Variants in EMSY observed in about 807,000 individuals in gnomAD.
EMSY encodes the protein EMSY transcriptional repressor, BRCA2 interacting.
EMSY carries 26 observed loss-of-function variants against 134.6 expected under a neutral mutation model. The observed-to-expected ratio is 0.19, with a 90% confidence interval of 0.14 to 0.27. The LOEUF (loss-of-function observed/expected upper bound fraction) is 0.27, where lower values mean the gene tolerates loss of function less well. Ranked by LOEUF, EMSY falls within the 10% of genes least tolerant of loss-of-function variation. The pLI, the probability that EMSY is intolerant of heterozygous loss-of-function variation, is 1.00. For synonymous variants in EMSY, 579 were observed against 577.8 expected, an observed-to-expected ratio of 1.00 and a Z score of -0.03; for missense variants, 1,305 against 1,611.4, an observed-to-expected ratio of 0.81 and a Z score of 3.26.
chr11:76,496,325 T>C lies in EMSY; in HGVS notation c.1219T>C (p.Ser407Pro), dbSNP rs367574485. 111 of 1,614,042 alleles carry C rather than the reference T, an allele frequency of 6.9e-5. No homozygotes were observed. In the Admixed American group the frequency reaches 7.0e-4, roughly 10 times the overall value. Residue 407 changes from serine (S) to proline (P), a missense_variant, in exon 9 of 21, where the codon TCT (serine) becomes CCT (proline). Ser to Pro is a moderately conservative substitution (Grantham distance 74). Coordinates refer to ENST00000334736, the Ensembl canonical transcript of EMSY. The stretch of plus-strand genomic sequence containing the variant: ...ACAGTTCCCTAAACAACATCAACAG[T>C]CTCCTAAGCAGCAGTTATATCAAGT...
chr11:76,526,538 T>C (rs763879226), exon 13 of EMSY: 1 of 1,613,836 alleles, frequency 6.2e-7, no homozygotes. Flanking sequence ...ATCACCAAAA[T>C]GATTGTAACG....
chr11:76,447,434 C>T (rs1028139942), intron 2 of EMSY, among the ~76,000 whole-genome samples: 16 of 152,208 alleles, frequency 1.1e-4, no homozygotes, highest in African/African-American at 3.9e-4. Flanking sequence ...AGTATGCTTT[C>T]AGTCTCACTT....
intron 18 of EMSY, among the ~76,000 whole-genome samples, chr11:76,542,832 T>G (rs781084133): frequency 1.3e-5 from 2 of 152,016 alleles, no homozygotes; most frequent in Admixed American, 6.5e-5. Context: ...TTTGATTTTT[T>G]TAACTATACA....
chr11:76,471,672 T>C (rs1948573732), intron 7 of EMSY, among the ~76,000 whole-genome samples: 1 of 152,142 alleles, frequency 6.6e-6, no homozygotes, highest in Non-Finnish European at 1.5e-5. Context: ...TAGACTATGA[T>C]TATGGGTTTT....
chr11:76,472,801 T>C, exon 8 of EMSY: 1 of 1,614,156 alleles, frequency 6.2e-7, no homozygotes, highest in Non-Finnish European at 8.5e-7. Flanking sequence ...AGCTGTGGTG[T>C]CCTCTACACC....
intron 14 of EMSY, among the ~76,000 whole-genome samples, chr11:76,533,678 A>G (rs2092422707): frequency 6.6e-6 from 1 of 152,186 alleles, no homozygotes; most frequent in African/African-American, 2.4e-5. Context: ...GCCTTTGAGT[A>G]TACTGTTAAA....
chr11:76,496,057 G>A (rs962323266), intron 8 of EMSY, among the ~76,000 whole-genome samples, 158 bp from the exon 10 acceptor site: 1 of 152,120 alleles, frequency 6.6e-6, no homozygotes, highest in African/African-American at 2.4e-5. Flanking sequence ...AGATATGTAA[G>A]GTGCCACACA....
rs193241757 is a variant in EMSY at position 76,506,175 on chromosome 11, C to G, written c.1364-7211C>G. ...AATATTCCAGGGCATTAAAAAAAAACTTTCAAAATTCTTTCTTGGAAATAC... is the reference window on the plus strand; with the variant it reads ...AATATTCCAGGGCATTAAAAAAAAAGTTTCAAAATTCTTTCTTGGAAATAC... On this transcript the variant is annotated intron_variant, in intron 9 of 20. Transcript: ENST00000334736. 3.4e-3 allele frequency among the ~76,000 whole-genome samples: 518 copies of G among 151,898 alleles called. 3 individuals carry two copies. Among genetic ancestry groups the G allele is most frequent in the Admixed American group, 0.012 (179 of 15,246 alleles).
chr11:76,544,140 T>C, intron 18 of EMSY, 119 bp from the exon 20 acceptor site: 1 of 1,069,108 alleles, frequency 9.4e-7, no homozygotes, highest in Non-Finnish European at 1.3e-6. Context: ...TTCTTGGCCT[T>C]TCTAGGTTCT....
At chr11:76,526,091 C>G (rs972254718) in intron 12 of EMSY, among the ~76,000 whole-genome samples, 1 of 152,054 alleles carries the variant, frequency 6.6e-6, no homozygotes, top group African/African-American at 2.4e-5. Context: ...GGGGTTAAGA[C>G]TTATAATCCC....
At chr11:76,526,753 G>T in intron 13 of EMSY, 118 bp downstream of exon 14, 1 of 1,043,968 alleles carries the variant, frequency 9.6e-7, no homozygotes, top group African/African-American at 1.6e-5. Flanking sequence ...ATTGTTAAAA[G>T]TTATGTTTGA....
chr11:76,550,746 A>T (rs1450136242), exon 21 of EMSY: 1 of 152,334 alleles, frequency 6.6e-6, no homozygotes, highest in African/African-American at 2.4e-5. Context: ...GTGCATTCTT[A>T]TCAGTTGTGT....
intron 7 of EMSY, among the ~76,000 whole-genome samples, chr11:76,465,381 G>A (rs7939908): frequency 0.98 from 149,084 of 152,298 alleles, 72,977 homozygotes; most frequent in East Asian, 1. Context: ...GAGTTTTCTC[G>A]TCTATAAAAC....
At position 76,516,185 on chromosome 11, in the gene EMSY, T is replaced by A. The variant is rs757396744; in HGVS notation, c.1557T>A (p.Ile519=). Residue 519 remains isoleucine (I), a synonymous_variant, in exon 11 of 21, where the codon ATT becomes ATA. Coordinates refer to ENST00000334736, the Ensembl canonical transcript of EMSY. The stretch of plus-strand genomic sequence containing the variant: ...CCCGGCCAACAGTGAGCCCATCCAT[T>A]GGTCGGATGGCTGCAACCCCTGGAG... 3.1e-6 allele frequency: 5 copies of A among 1,613,818 alleles called. No homozygotes were observed. In the South Asian group the frequency reaches 5.5e-5, roughly 18 times the overall value.
exon 21 of EMSY, chr11:76,550,360 G>GA (rs11433055): frequency 0.52 from 169,785 of 325,342 alleles, 43,019 homozygotes; most frequent in Admixed American, 0.65. Context: ...AAATGAAAAA[G>GA]AAAAAAAAAG....
chr11:76,471,152 C>G (rs999498733), intron 7 of EMSY, among the ~76,000 whole-genome samples: 1 of 152,226 alleles, frequency 6.6e-6, no homozygotes, highest in East Asian at 1.9e-4. Context: ...TAATTTGTCT[C>G]CCTGTTTCTA....
chr11:76,452,027 CAAATT>C (rs1173959166), intron 3 of EMSY, 70 bp downstream of exon 3: 2 of 950,210 alleles, frequency 2.1e-6, no homozygotes, highest in Non-Finnish European at 3.0e-6. Flanking sequence ...TTATCACTCT[CAAATT>C]AAGTAACTGT....
intron 2 of EMSY, 87 bp from the exon 3 acceptor site, chr11:76,451,771 G>C: frequency 1.5e-6 from 1 of 667,888 alleles, no homozygotes; most frequent in Non-Finnish European, 2.3e-6. Flanking sequence ...ATTATTTTTA[G>C]TTTTTTTGCC....
At chr11:76,460,270 C>T in intron 6 of EMSY, 185 bp downstream of exon 7, 1 of 604,304 alleles carries the variant, frequency 1.7e-6, no homozygotes, top group Admixed American at 3.1e-5. Context: ...TTAATCAGTT[C>T]TGGGGTTTCA....
Sources: allele counts gnomAD v4.1 joint callset (sites outside exome capture counted in the v4.1 genomes callset), GRCh38; gene constraint gnomAD v4.1.1; transcripts MANE v1.5; gene names NCBI Gene and HGNC (gene_info 2026-07-23, HGNC 2026-07-21).